IMMP2L: variants seen among roughly 807,000 people sequenced by gnomAD.
IMMP2L encodes inner mitochondrial membrane peptidase subunit 2, also known as mitochondrial inner membrane protease subunit 2.
IMMP2L carries 18 observed loss-of-function variants against 19.3 expected under a neutral mutation model. The observed-to-expected ratio is 0.93, with a 90% CI of 0.64 to 1.38. The LOEUF (loss-of-function observed/expected upper bound fraction) is 1.38, where lower values mean the gene tolerates loss of function less well. Ranked by LOEUF, IMMP2L falls within the 40% of genes most tolerant of loss-of-function variation. The pLI, the probability that IMMP2L is intolerant of heterozygous loss-of-function variation, is 0.00. For missense variants in IMMP2L, 233 were observed against 218.2 expected, an observed-to-expected ratio of 1.07 and a Z score of -0.43; for synonymous variants, 76 against 73.0, an observed-to-expected ratio of 1.04 and a Z score of -0.21.
intron 3 of IMMP2L, among the ~76,000 whole-genome samples, chr7:111,158,647 A>G (rs984368343): frequency 2.0e-5 from 3 of 152,184 alleles, no homozygotes; most frequent in Admixed American, 2.0e-4. Flanking sequence ...GTTTCTAAAC[A>G]GGTTAAGAAG....
chr7:110,701,410 C>A (rs1794278999), intron 5 of IMMP2L, among the ~76,000 whole-genome samples: 1 of 151,866 alleles, frequency 6.6e-6, no homozygotes, highest in South Asian at 2.1e-4. Flanking sequence ...GGAAACATGA[C>A]AAAAGAATTT....
chr7:111,051,964 T>C (rs1208531623), intron 3 of IMMP2L, among the ~76,000 whole-genome samples: 5 of 152,206 alleles, frequency 3.3e-5, no homozygotes. Context: ...GGAGGAGGGA[T>C]ATGCTTAGTT....
chr7:111,002,635 C>T (rs1382938917), intron 3 of IMMP2L, among the ~76,000 whole-genome samples: 1 of 152,002 alleles, frequency 6.6e-6, no homozygotes, highest in African/African-American at 2.4e-5. Context: ...TTGTTATATA[C>T]TTAATCAAGG....
At chr7:111,102,043 A>G (rs559022073) in intron 3 of IMMP2L, among the ~76,000 whole-genome samples, 2 of 151,434 alleles carry the variant, frequency 1.3e-5, no homozygotes, top group South Asian at 2.1e-4. Flanking sequence ...TGCCGCCAAT[A>G]TGATTAATGA....
intron 3 of IMMP2L, among the ~76,000 whole-genome samples, chr7:110,983,059 G>A (rs1362021000): frequency 6.6e-6 from 1 of 151,968 alleles, no homozygotes; most frequent in Admixed American, 6.6e-5. Context: ...TTATAGTCAT[G>A]CAATTATCAA....
At chr7:111,386,715 A>G (rs1321620528) in intron 3 of IMMP2L, among the ~76,000 whole-genome samples, 1 of 152,198 alleles carries the variant, frequency 6.6e-6, no homozygotes, top group African/African-American at 2.4e-5. Flanking sequence ...CTGTGCGATC[A>G]TAATCACTGC....
intron 4 of IMMP2L, among the ~76,000 whole-genome samples, chr7:110,943,669 A>G (rs1816951757): frequency 1.3e-5 from 2 of 152,026 alleles, no homozygotes; most frequent in Non-Finnish European, 1.5e-5. Flanking sequence ...GGAACATATA[A>G]TGGAGCAAGA....
At chr7:111,305,172 GA>G (rs899090481) in intron 3 of IMMP2L, among the ~76,000 whole-genome samples, 3 of 150,838 alleles carry the variant, frequency 2.0e-5, no homozygotes, top group Admixed American at 2.0e-4. Flanking sequence ...AGCTGGGTAG[GA>G]AAAAAAAATC....
At position 111,542,055 on chromosome 7, in the gene IMMP2L, C is replaced by T. The variant is rs577936459; in HGVS notation, c.-3+19796G>A. On this transcript the variant is annotated intron_variant, in intron 1 of 5. Transcript: ENST00000405709. ...TCAGCCAAAATCATATCAACATTTT[C>T]GTATATTTTGGATATTAACCTCAGT... is the stretch of plus-strand genomic sequence containing the variant. 7.2e-5 allele frequency among the ~76,000 whole-genome samples: 11 copies of T among 152,068 alleles called. No individual in the cohort carries two copies. In the South Asian group the frequency reaches 1.0e-3, roughly 14 times the overall value.
At position 111,557,729 on chromosome 7, in the gene IMMP2L, C is replaced by A. The variant is rs997886304; in HGVS notation, c.-3+4122G>T. On this transcript the variant is annotated intron_variant, in intron 1 of 5. Transcript: ENST00000405709. ...TCTGTAGTCCTACAGACTATAAGATCCTTGGTCAAAGATGACTTTTCATCT... is the reference window on the plus strand; with the variant it reads ...TCTGTAGTCCTACAGACTATAAGATACTTGGTCAAAGATGACTTTTCATCT... Among the ~76,000 whole-genome samples the A allele has an allele frequency of 1.3e-5, 2 of 152,062 alleles. 1 individual carries two copies. The highest frequency in any genetic ancestry group is 2.9e-5 in the Non-Finnish European group (2 of 67,994).
chr7:111,444,997 T>C (rs1033474186), intron 3 of IMMP2L, among the ~76,000 whole-genome samples: 1 of 152,120 alleles, frequency 6.6e-6, no homozygotes, highest in African/African-American at 2.4e-5. Context: ...TAGTCTAATG[T>C]TGAGCCTTAG....
intron 3 of IMMP2L, among the ~76,000 whole-genome samples, chr7:111,203,743 C>CA (rs1282335846): frequency 8.1e-5 from 12 of 148,124 alleles, no homozygotes; most frequent in Middle Eastern, 6.6e-3. Flanking sequence ...TACAACAAAT[C>CA]AAAAAAACAA....
chr7:110,778,620 A>G (rs983955786), intron 5 of IMMP2L, among the ~76,000 whole-genome samples: 1 of 152,030 alleles, frequency 6.6e-6, no homozygotes, highest in African/African-American at 2.4e-5. Context: ...ATTTTAGTGT[A>G]TACAATAATT....
chr7:111,251,556 T>C (rs867796366), intron 3 of IMMP2L, among the ~76,000 whole-genome samples: 1 of 152,160 alleles, frequency 6.6e-6, no homozygotes, highest in South Asian at 2.1e-4. Flanking sequence ...TGGAATACTA[T>C]GCAGCCATAA....
intron 3 of IMMP2L, among the ~76,000 whole-genome samples, chr7:111,082,505 T>A (rs992766107): frequency 6.6e-6 from 1 of 152,190 alleles, no homozygotes; most frequent in Admixed American, 6.5e-5. Context: ...GCAATCCTCA[T>A]GGTTTGAGCA....
chr7:111,213,322 G>A lies in IMMP2L; in HGVS notation c.240-249757C>T, dbSNP rs909911831. Among the ~76,000 whole-genome samples, 4 of 152,326 alleles carry A rather than the reference G, an allele frequency of 2.6e-5. No individual in the cohort carries two copies. Among genetic ancestry groups the A allele is most frequent in the African/African-American group, 9.6e-5 (4 of 41,582 alleles). On this transcript the variant is annotated intron_variant, in intron 3 of 5. Transcript: ENST00000405709. This position sits in a 1 kb window ranked among gnomAD's most constrained non-coding sequence, Gnocchi z 4.8. ...CCCCCTCCAGGCTTTGGGTGCCAAT[G>A]AGCATGGGAGGGAGGCTGAGTGGGG...
intron 5 of IMMP2L, among the ~76,000 whole-genome samples, chr7:110,851,266 A>T (rs1297986496): frequency 6.6e-6 from 1 of 152,164 alleles, no homozygotes; most frequent in Non-Finnish European, 1.5e-5. Flanking sequence ...ATATAAATAG[A>T]TCATCTTTAC....
rs1391699894 is a variant in IMMP2L, at chr7:111,123,616, A to G, written c.240-160051T>C. ...TAGAATACGAAGGGGTGATTTTAGC[A>G]ATATGCTACACTTAAAAGAGTTGGG... is the stretch of plus-strand genomic sequence containing the variant. On this transcript the variant is annotated intron_variant, in intron 3 of 5. Coordinates refer to ENST00000405709, the MANE Select transcript of IMMP2L (RefSeq NM_032549.4). This position sits in a 1 kb window ranked among gnomAD's most constrained non-coding sequence, Gnocchi z 6.4. The G allele has an allele frequency of 6.2e-7, 1 of 1,613,508 alleles. No homozygotes were observed. The highest frequency in any genetic ancestry group is 1.3e-5 in the African/African-American group (1 of 74,876).
At chr7:110,998,138 C>T (rs1172146696) in intron 3 of IMMP2L, among the ~76,000 whole-genome samples, 2 of 152,088 alleles carry the variant, frequency 1.3e-5, no homozygotes, top group East Asian at 3.9e-4. Context: ...CTGGATGGTT[C>T]CCAGATCACC....
Sources: allele counts gnomAD v4.1 joint callset (sites outside exome capture counted in the v4.1 genomes callset), GRCh38; gene constraint gnomAD v4.1.1; non-coding constraint Gnocchi (gnomAD v3.1); transcripts MANE v1.5; gene names NCBI Gene and HGNC (gene_info 2026-07-23, HGNC 2026-07-21).